Variants in TYR observed in about 807,000 individuals in gnomAD.
The protein encoded by TYR is tyrosinase.
In TYR, 58 loss-of-function variants were observed where a neutral mutation model predicts 51.5. That is an observed-to-expected ratio of 1.13 (90% CI 0.91 to 1.40). The LOEUF is 1.40. TYR is among the 40% of genes most tolerant of loss of function. The probability of loss-of-function intolerance (pLI) is 0.00; values close to 1 mark genes in which losing one functional copy is unlikely to be tolerated. For synonymous variants in TYR, 263 were observed against 235.2 expected, an observed-to-expected ratio of 1.12 and a Z score of -1.08; for missense variants, 732 against 647.4, an observed-to-expected ratio of 1.13 and a Z score of -1.42.
At chr11:89,271,741 T>C (rs1224291904) in intron 3 of TYR, among the ~76,000 whole-genome samples, 1 of 151,980 alleles carries the variant, frequency 6.6e-6, no homozygotes, top group African/African-American at 2.4e-5. Context: ...TAGAACTTCT[T>C]GCAAATATGG....
At chr11:89,243,686 T>A (rs1196055549) in intron 3 of TYR, among the ~76,000 whole-genome samples, 1 of 152,186 alleles carries the variant, frequency 6.6e-6, no homozygotes, top group African/African-American at 2.4e-5. Context: ...TGTAACAATG[T>A]CCAACTGCAG....
chr11:89,206,244 T>C (rs546898278), intron 2 of TYR, among the ~76,000 whole-genome samples: 1 of 152,228 alleles, frequency 6.6e-6, no homozygotes, highest in African/African-American at 2.4e-5. Context: ...ATGACCTATA[T>C]TGAGCCTAGA....
At chr11:89,188,507 G>A (rs7116716) in intron 1 of TYR, among the ~76,000 whole-genome samples, 5,617 of 152,120 alleles carry the variant, frequency 0.037, 343 homozygotes, top group African/African-American at 0.13. Context: ...GGAGGAGTGG[G>A]AAAGTAGGGA....
At chr11:89,208,781 C>G (rs1256481404) in intron 2 of TYR, among the ~76,000 whole-genome samples, 1 of 152,122 alleles carries the variant, frequency 6.6e-6, no homozygotes, top group African/African-American at 2.4e-5. Flanking sequence ...TCTTCTTAGA[C>G]GTATTTACTT....
chr11:89,220,289 G>A (rs1943891683), intron 2 of TYR, among the ~76,000 whole-genome samples: 1 of 152,158 alleles, frequency 6.6e-6, no homozygotes, highest in Non-Finnish European at 1.5e-5. Context: ...CAGAGCAGGA[G>A]CCAGCGTGAA....
chr11:89,255,676 G>A (rs935875053), intron 3 of TYR, among the ~76,000 whole-genome samples: 8 of 151,642 alleles, frequency 5.3e-5, no homozygotes, highest in Non-Finnish European at 3.0e-5. Flanking sequence ...TGTTTAAATT[G>A]TCAAATTAGT....
chr11:89,246,972 T>C (rs1944274605), intron 3 of TYR, among the ~76,000 whole-genome samples: 1 of 152,192 alleles, frequency 6.6e-6, no homozygotes, highest in Non-Finnish European at 1.5e-5. Context: ...TCAGATGGGA[T>C]GGCAGAGGAG....
Position 89,227,866 on chromosome 11 carries a change from C to A in TYR, c.1080C>A (p.Ser360Arg), listed in dbSNP as rs1943996859. The change falls in exon 3 of 5, where the codon AGC (serine) becomes AGA (arginine). Residue 360 changes from serine (S) to arginine (R), a missense_variant. By Grantham distance (110) the Ser-to-Arg change is moderately radical (BLOSUM62 -1). Transcript: ENST00000263321. ...PLTGIADASQ[S>R]SMHNALHIYM... ...CTGGGATAGCGGATGCCTCTCAAAG[C>A]AGCATGCACAATGCCTTGCACATCT... is the stretch of plus-strand genomic sequence containing the variant. 1 of 1,613,290 alleles carries A rather than the reference C, an allele frequency of 6.2e-7. No individual in the cohort carries two copies. Among genetic ancestry groups the A allele is most frequent in the Non-Finnish European group, 8.5e-7 (1 of 1,179,646 alleles).
rs561008244 is a variant in TYR at position 89,295,188 on chromosome 11, C to T, written c.1412C>T (p.Ala471Val). The T allele has an allele frequency of 1.4e-5, 23 of 1,613,956 alleles. No homozygotes were observed. The highest frequency in any genetic ancestry group is 1.3e-4 in the African/African-American group (10 of 75,028). Residue 471 changes from alanine to valine, a missense_variant, in exon 5 of 5, where the codon GCG (alanine) becomes GTG (valine). Physicochemically the swap from Ala to Val is moderately conservative, Grantham distance 64. Transcript: ENST00000263321. ...TACATTAAGTCCTATTTGGAACAAGCGAGTCGGATCTGGTCATGGCTCCTT... is the reference window on the plus strand; with the variant it reads ...TACATTAAGTCCTATTTGGAACAAGTGAGTCGGATCTGGTCATGGCTCCTT... Reference protein sequence around the residue: ...QDYIKSYLEQASRIWSWLLGA... With the variant: ...QDYIKSYLEQVSRIWSWLLGA...
In TYR at chr11:89,228,940, C is replaced by A. The variant is rs187734870; in HGVS notation, c.1184+970C>A. On this transcript the variant is annotated intron_variant, in intron 3 of 4. Transcript: ENST00000263321. ...ACAAATGCTATGGAGTGTTCTTTGTCCCCTCTACAGTAATTTTCTCACCAC... is the reference window on the plus strand; with the variant it reads ...ACAAATGCTATGGAGTGTTCTTTGTACCCTCTACAGTAATTTTCTCACCAC... Among the ~76,000 whole-genome samples, 16 of 151,826 alleles carry A rather than the reference C, an allele frequency of 1.1e-4. No individual in the cohort carries two copies. The East Asian group carries it at 3.1e-3, about 29-fold the overall frequency.
intron 4 of TYR, among the ~76,000 whole-genome samples, chr11:89,285,441 A>C (rs1212014487): frequency 1.3e-5 from 2 of 151,772 alleles, no homozygotes; most frequent in African/African-American, 4.8e-5. Flanking sequence ...TACCAAGAAA[A>C]TTTGTAGAAA....
intron 2 of TYR, among the ~76,000 whole-genome samples, chr11:89,212,267 C>A (rs941367660): frequency 3.9e-5 from 6 of 152,036 alleles, no homozygotes; most frequent in African/African-American, 1.4e-4. Flanking sequence ...TGCCACTGAT[C>A]CCCCAGAAAT....
At chr11:89,275,454 A>T (rs1361361587) in intron 3 of TYR, among the ~76,000 whole-genome samples, 1 of 151,876 alleles carries the variant, frequency 6.6e-6, no homozygotes. Flanking sequence ...CTAAAATGGA[A>T]CCCCAGATCT....
chr11:89,178,917 A>G (rs1042450950), intron 1 of TYR, 145 bp downstream of exon 1: 1 of 783,770 alleles, frequency 1.3e-6, no homozygotes, highest in Admixed American at 2.2e-5. Context: ...CTCTCAATGT[A>G]TCTTGTATTT....
intron 1 of TYR, among the ~76,000 whole-genome samples, chr11:89,180,933 G>GA (rs1943292711): frequency 6.6e-6 from 1 of 152,026 alleles, no homozygotes; most frequent in Non-Finnish European, 1.5e-5. Context: ...AATCACCTAG[G>GA]AAGCTTCCAA....
Position 89,273,511 on chromosome 11 carries a change from CATA to C in TYR, c.1185-11257_1185-11255del, listed in dbSNP as rs1325756442. ...ACATCAAAAATCACTGATCACAGAT[CATA>C]ATAAGAGATTTAGTAATATTGAAAA... On this transcript the variant is annotated intron_variant, in intron 3 of 4. Transcript: ENST00000263321. 2.0e-5 allele frequency among the ~76,000 whole-genome samples: 3 copies of C among 151,778 alleles called. No homozygotes were observed. In the South Asian group the frequency reaches 6.2e-4, roughly 32 times the overall value.
intron 2 of TYR, among the ~76,000 whole-genome samples, chr11:89,197,726 G>A (rs1943539850): frequency 6.6e-6 from 1 of 152,062 alleles, no homozygotes; most frequent in South Asian, 2.1e-4. Context: ...AGAATCAGAA[G>A]CTCTCGGTGA....
chr11:89,208,837 C>T (rs1352737550), intron 2 of TYR, among the ~76,000 whole-genome samples: 1 of 152,102 alleles, frequency 6.6e-6, no homozygotes, highest in Non-Finnish European at 1.5e-5. Flanking sequence ...ATTTTTGTTG[C>T]TTACTTTATA....
At chr11:89,201,987 T>C (rs1291223041) in intron 2 of TYR, among the ~76,000 whole-genome samples, 1 of 152,102 alleles carries the variant, frequency 6.6e-6, no homozygotes, top group African/African-American at 2.4e-5. Context: ...ACAACGTACA[T>C]TATCAGGCCT....
Sources: allele counts gnomAD v4.1 joint callset (sites outside exome capture counted in the v4.1 genomes callset), GRCh38; gene constraint gnomAD v4.1.1; transcripts MANE v1.5; gene names NCBI Gene and HGNC (gene_info 2026-07-23, HGNC 2026-07-21).